RDH11: variants seen among roughly 807,000 people sequenced by gnomAD.
RDH11 encodes HCV core-binding protein HCBP12.
RDH11 carries 19 observed loss-of-function variants against 33.4 expected under a neutral mutation model. The observed-to-expected ratio is 0.57, with a 90% CI of 0.40 to 0.83. The LOEUF (loss-of-function observed/expected upper bound fraction) is 0.83. Ranked by LOEUF, RDH11 falls within the 40% of genes least tolerant of loss-of-function variation. RDH11 has a pLI of 0.00. For missense variants in RDH11, 353 were observed against 389.0 expected, an observed-to-expected ratio of 0.91 and a Z score of 0.78; for synonymous variants, 154 against 155.3, an observed-to-expected ratio of 0.99 and a Z score of 0.06.
intron 1 of RDH11, among the ~76,000 whole-genome samples, chr14:67,693,651 C>T (rs1352356830): frequency 2.5e-4 from 36 of 142,318 alleles, no homozygotes; most frequent in African/African-American, 9.0e-4. Flanking sequence ...TTCTCTTTCT[C>T]TTTTTTTTTT....
At chr14:67,693,750 C>G (rs2037785647) in intron 1 of RDH11, among the ~76,000 whole-genome samples, 1 of 151,360 alleles carries the variant, frequency 6.6e-6, no homozygotes, top group Admixed American at 6.6e-5. Flanking sequence ...CACTGCAACC[C>G]CCATCTCCCA....
At chr14:67,679,213 C>T (rs934197569) in intron 6 of RDH11, among the ~76,000 whole-genome samples, 10 of 152,086 alleles carry the variant, frequency 6.6e-5, no homozygotes, top group South Asian at 4.1e-4. Flanking sequence ...ATAATGAACC[C>T]GTTCCAGAGA....
intron 1 of RDH11, 23 bp from the exon 2 acceptor site, chr14:67,693,075 C>A: frequency 6.5e-7 from 1 of 1,535,534 alleles, no homozygotes; most frequent in South Asian, 1.1e-5. Context: ...AAGGAGAGCT[C>A]ATCAATTCTT....
At chr14:67,686,198 C>T (rs1594849738) in intron 5 of RDH11, 1 of 152,206 alleles carries the variant, frequency 6.6e-6, no homozygotes, top group South Asian at 2.1e-4. Context: ...CAAATCCTGG[C>T]TCCACTCATT....
In RDH11 at chr14:67,695,625, C is replaced by G. The variant is rs758972960; in HGVS notation, c.74+5G>C. On this transcript the variant is annotated splice_donor_5th_base_variant and intron_variant, in intron 1 of 6. Transcript: ENST00000381346. The stretch of plus-strand genomic sequence containing the variant: ...CTCAAGAGAAGGCAATACATTTGCA[C>G]AGACCTGATTTGGGGCGCAGCCATA... 1.9e-6 allele frequency: 3 copies of G among 1,613,316 alleles called. No homozygotes were observed. The Admixed American group carries it at 5.0e-5, about 27-fold the overall frequency.
rs552560032 is a variant in RDH11 at position 67,688,889 on chromosome 14, T to A, written c.664+1323A>T. 4.6e-5 allele frequency among the ~76,000 whole-genome samples: 7 copies of A among 152,222 alleles called. No individual in the cohort carries two copies. The South Asian group carries it at 6.2e-4, about 14-fold the overall frequency. ...TATACCTATCTTGTTCACCAATTCA[T>A]CCCCTGTCCCCTAACCCAGTGCACG... On this transcript the variant is annotated intron_variant, in intron 5 of 6. Transcript: ENST00000381346.
At chr14:67,690,465 G>T in intron 4 of RDH11, 44 bp from the exon 5 acceptor site, 1 of 1,556,678 alleles carries the variant, frequency 6.4e-7, no homozygotes, top group South Asian at 1.1e-5. Flanking sequence ...GGCCATGTAG[G>T]AATGACAGGA....
At chr14:67,684,074 T>G (rs1256856484) in intron 6 of RDH11, among the ~76,000 whole-genome samples, 2 of 152,198 alleles carry the variant, frequency 1.3e-5, no homozygotes, top group Non-Finnish European at 2.9e-5. Flanking sequence ...ATTACAACTT[T>G]CTGAAACTCT....
Position 67,690,237 on chromosome 14 carries a change from G to T in RDH11, c.639C>A (p.Thr213=). Residue 213 remains threonine (T), a synonymous_variant, in exon 5 of 7, where the codon ACC becomes ACA. Coordinates refer to ENST00000381346, the MANE Select transcript of RDH11 (RefSeq NM_016026.4). Reference sequence around the variant, plus strand: ...CTTTTAGTCTCCGGGCCAGTTCCTGGGTGAAGAGGATGTTGGCTAGCTTGC... The same window carrying T: ...CTTTTAGTCTCCGGGCCAGTTCCTGTGTGAAGAGGATGTTGGCTAGCTTGC... The part of the protein sequence containing the change: ...CHSKLANILF[T]QELARRLKGS... 1 of 1,613,708 alleles carries T rather than the reference G, an allele frequency of 6.2e-7. No homozygotes were observed.
At chr14:67,685,238 A>G (rs763031070) in intron 5 of RDH11, 34 bp from the exon 6 acceptor site, 4 of 1,573,424 alleles carry the variant, frequency 2.5e-6, no homozygotes, top group South Asian at 1.2e-5. Context: ...AGGGTAAGAC[A>G]GGACTTGATT....
chr14:67,681,432 A>C (rs945918996), intron 6 of RDH11, among the ~76,000 whole-genome samples: 1 of 152,214 alleles, frequency 6.6e-6, no homozygotes. Context: ...GTGCTAAGGC[A>C]CTGGATATCC....
At chr14:67,688,068 C>T (rs921836265) in intron 5 of RDH11, among the ~76,000 whole-genome samples, 1 of 152,002 alleles carries the variant, frequency 6.6e-6, no homozygotes, top group African/African-American at 2.4e-5. Context: ...CCACCGCGCC[C>T]GGCCTCAGCC....
intron 6 of RDH11, among the ~76,000 whole-genome samples, chr14:67,683,592 C>T (rs531425404): frequency 6.6e-6 from 1 of 152,160 alleles, no homozygotes; most frequent in Non-Finnish European, 1.5e-5. Flanking sequence ...TAATAAAGTC[C>T]CTGTTTGCCT....
intron 5 of RDH11, among the ~76,000 whole-genome samples, chr14:67,688,709 T>C (rs1231488335): frequency 1.3e-5 from 2 of 152,042 alleles, no homozygotes; most frequent in African/African-American, 4.8e-5. Flanking sequence ...TGCCTGGGAT[T>C]AAAGGTGTGA....
rs575340159 is a variant in RDH11, at chr14:67,695,538, G to C, written c.74+92C>G. On this transcript the variant is annotated intron_variant, in intron 1 of 6. Coordinates refer to ENST00000381346, the MANE Select transcript of RDH11 (RefSeq NM_016026.4). ...CCGCCATCTTGGAGCCCCCCCAGGG[G>C]AGTTTTCCAAGAAAGCTTTGGTGGG... is the stretch of plus-strand genomic sequence containing the variant. 796 of 1,293,196 alleles carry C rather than the reference G, an allele frequency of 6.2e-4. 7 individuals are homozygous for C. Among genetic ancestry groups the C allele is most frequent in the Admixed American group, 1.2e-3 (57 of 46,248 alleles). The allele number at this position is 1,293,196 out of a possible 1,614,324, so 80.1% of individuals were successfully genotyped here. A position where few individuals can be genotyped will look rare whatever the true frequency, so the allele number is the denominator to read the frequency against.
Position 67,690,328 on chromosome 14 carries a change from C to T in RDH11, c.548G>A (p.Gly183Glu). Residue 183 changes from glycine (G) to glutamate (E), a missense_variant, in exon 5 of 7, where the codon GGA becomes GAA. Physicochemically the swap from Gly to Glu is moderately conservative, Grantham distance 98. Coordinates refer to ENST00000381346, the MANE Select transcript of RDH11 (RefSeq NM_016026.4). ...VNVSSLAHHL[G>E]RIHFHNLQGE... ...CTGCAGGTTATGGAAGTGGATCCTT[C>T]CCAGGTGATGTGCGAGGGAAGACAC... 6.2e-7 allele frequency: 1 copy of T among 1,614,132 alleles called. No homozygotes were observed. The highest frequency in any genetic ancestry group is 8.5e-7 in the Non-Finnish European group (1 of 1,180,004).
intron 4 of RDH11, chr14:67,690,763 G>A (rs560026262): frequency 2.6e-6 from 1 of 385,158 alleles, no homozygotes; most frequent in African/African-American, 2.0e-5. Context: ...GCAGGAAGGT[G>A]CCTGAGGCCA....
At chr14:67,690,500 T>C in intron 4 of RDH11, 79 bp from the exon 5 acceptor site, 1 of 1,135,094 alleles carries the variant, frequency 8.8e-7, no homozygotes, top group Non-Finnish European at 1.3e-6. Context: ...GCCTCACCTA[T>C]GGGAGGCAGA....
intron 5 of RDH11, among the ~76,000 whole-genome samples, chr14:67,688,218 T>C (rs568931365): frequency 6.6e-5 from 10 of 152,286 alleles, no homozygotes; most frequent in South Asian, 4.1e-4. Context: ...CTAAAATCCA[T>C]TGTAAGTCCT....
Sources: gnomAD v4.1 joint callset for allele counts (sites outside exome capture counted in the v4.1 genomes callset) on GRCh38, gnomAD v4.1.1 for gene constraint, MANE v1.5 for transcripts, NCBI Gene and HGNC (gene_info 2026-07-23, HGNC 2026-07-21) for gene names.